PARD3: variants seen among roughly 807,000 people sequenced by gnomAD.
PARD3 encodes the protein partitioning defective 3 homolog.
A neutral mutation model predicts 155.4 loss-of-function variants in PARD3; 75 were observed. That is an observed-to-expected ratio of 0.48 (90% CI 0.40 to 0.58). PARD3 has a LOEUF of 0.58. PARD3 is among the 20% of genes least tolerant of loss of function. The probability of loss-of-function intolerance (pLI) is 0.00; values close to 1 mark genes in which losing one functional copy is unlikely to be tolerated. For synonymous variants in PARD3, 576 were observed against 610.5 expected (o/e 0.94, Z 0.83); for missense variants, 1,642 against 1,721.7 (o/e 0.95, Z 0.82).
intron 22 of PARD3, among the ~76,000 whole-genome samples, chr10:34,178,983 A>AGACC (rs1029390818): frequency 2.8e-4 from 43 of 152,312 alleles, no homozygotes; most frequent in African/African-American, 1.0e-3. Flanking sequence ...AAGTTCACCC[A>AGACC]GACCACCAGG....
chr10:34,477,194 T>A (rs2078771195), intron 3 of PARD3, among the ~76,000 whole-genome samples: 1 of 152,218 alleles, frequency 6.6e-6, no homozygotes, highest in Non-Finnish European at 1.5e-5. Context: ...TAAGGTAATT[T>A]GGTCACATTA....
intron 4 of PARD3, among the ~76,000 whole-genome samples, chr10:34,469,635 A>C (rs1344458040): frequency 6.6e-6 from 1 of 152,168 alleles, no homozygotes; most frequent in African/African-American, 2.4e-5. Context: ...TAATGTTCTA[A>C]GTTCCTTAAT....
At chr10:34,125,575 T>A (rs776591823) in intron 23 of PARD3, among the ~76,000 whole-genome samples, 1 of 152,184 alleles carries the variant, frequency 6.6e-6, no homozygotes, top group Non-Finnish European at 1.5e-5. Flanking sequence ...AGGGAGGCAA[T>A]CTAGTGGTAC....
chr10:34,248,452 T>C (rs1954097933), intron 22 of PARD3, among the ~76,000 whole-genome samples: 1 of 152,242 alleles, frequency 6.6e-6, no homozygotes, highest in African/African-American at 2.4e-5. Flanking sequence ...CAGATCATGA[T>C]GCATGGCAAG....
intron 3 of PARD3, among the ~76,000 whole-genome samples, chr10:34,491,854 T>A (rs2079930306): frequency 6.6e-6 from 1 of 152,088 alleles, no homozygotes; most frequent in Non-Finnish European, 1.5e-5. Context: ...GCAAACAGAA[T>A]TCAACCCAGT....
Position 34,317,136 on chromosome 10 carries a change from T to A in PARD3, c.3036A>T (p.Gly1012=). ...KEKDKMKAKK[G]MLKGLGDMFR... is the part of the protein sequence containing the mutation. ...ACATGTCTCCCAAGCCCTTCAGCAT[T>A]CCCTTCTTGGCTTTCATTTTATCCT... Residue 1012 remains glycine, a synonymous_variant, in exon 20 of 25, where the codon GGA becomes GGT. Coordinates refer to ENST00000374788, the MANE Select transcript of PARD3 (RefSeq NM_001184785.2). 6.4e-7 allele frequency: 1 copy of A among 1,567,732 alleles called. No individual in the cohort carries two copies. Among genetic ancestry groups the A allele is most frequent in the Admixed American group, 1.9e-5 (1 of 52,146 alleles).
chr10:34,406,380 G>C (rs1401877451), intron 5 of PARD3, among the ~76,000 whole-genome samples: 1 of 152,158 alleles, frequency 6.6e-6, no homozygotes, highest in South Asian at 2.1e-4. Context: ...AACACAGTAA[G>C]AAATCAGTCA....
chr10:34,162,958 G>A (rs1365668791), intron 22 of PARD3, among the ~76,000 whole-genome samples: 1 of 152,078 alleles, frequency 6.6e-6, no homozygotes, highest in Non-Finnish European at 1.5e-5. Context: ...TTTCAGGGCT[G>A]GACATGGTTC....
intron 2 of PARD3, among the ~76,000 whole-genome samples, chr10:34,674,134 TG>T (rs1187985339): frequency 6.6e-6 from 1 of 152,214 alleles, no homozygotes; most frequent in Non-Finnish European, 1.5e-5. Context: ...AAAATTATCC[TG>T]GTTATATCTG....
chr10:34,299,616 C>T (rs900063954), intron 20 of PARD3, among the ~76,000 whole-genome samples: 1 of 152,150 alleles, frequency 6.6e-6, no homozygotes, highest in African/African-American at 2.4e-5. Context: ...GTCAGATAGA[C>T]AGGAGTGTAG....
chr10:34,796,180 CA>C (rs1240600112), intron 1 of PARD3, among the ~76,000 whole-genome samples: 1 of 151,706 alleles, frequency 6.6e-6, no homozygotes, highest in Non-Finnish European at 1.5e-5. Context: ...AAAACAAAAA[CA>C]AAAAAAAGTC....
At chr10:34,137,725 G>C (rs189468614) in intron 22 of PARD3, among the ~76,000 whole-genome samples, 8 of 152,146 alleles carry the variant, frequency 5.3e-5, no homozygotes, top group Non-Finnish European at 1.2e-4. Context: ...CACAGTCTAA[G>C]AGACACATGG....
At chr10:34,686,242 T>C (rs1002193664) in intron 2 of PARD3, among the ~76,000 whole-genome samples, 2 of 152,190 alleles carry the variant, frequency 1.3e-5, no homozygotes, top group African/African-American at 2.4e-5. Flanking sequence ...AATTAGAATC[T>C]GGATAATAAC....
chr10:34,287,748 G>A (rs1294771844), intron 20 of PARD3, among the ~76,000 whole-genome samples: 1 of 152,106 alleles, frequency 6.6e-6, no homozygotes, highest in Non-Finnish European at 1.5e-5. Context: ...AAGTACGTAT[G>A]ACATTTTTTA....
chr10:34,139,992 T>C (rs1424396636), intron 22 of PARD3, among the ~76,000 whole-genome samples: 1 of 152,202 alleles, frequency 6.6e-6, no homozygotes, highest in Non-Finnish European at 1.5e-5. Flanking sequence ...ATAGTTCTAA[T>C]CTACAGATGT....
intron 5 of PARD3, among the ~76,000 whole-genome samples, chr10:34,422,968 G>C (rs561347099): frequency 6.6e-6 from 1 of 152,298 alleles, no homozygotes; most frequent in East Asian, 1.9e-4. Flanking sequence ...ATGTTGAAGA[G>C]ATAGCTGTAC....
intron 15 of PARD3, among the ~76,000 whole-genome samples, chr10:34,342,025 ACTATATAG>A (rs1382613599): frequency 1.3e-5 from 2 of 152,196 alleles, no homozygotes; most frequent in Admixed American, 1.3e-4. Flanking sequence ...TGACGCTACA[ACTATATAG>A]CTCAGGGCAA....
At chr10:34,622,301 A>G (rs554969125) in intron 2 of PARD3, among the ~76,000 whole-genome samples, 11 of 152,358 alleles carry the variant, frequency 7.2e-5, no homozygotes, top group African/African-American at 2.6e-4. Context: ...TTTGATATAA[A>G]TATTAATTCT....
Position 34,498,805 on chromosome 10 carries a change from A to G in PARD3, c.403+18174T>C, listed in dbSNP as rs1035100649. 7.2e-5 allele frequency among the ~76,000 whole-genome samples: 11 copies of G among 152,328 alleles called. No homozygotes were observed. In the South Asian group the frequency reaches 1.2e-3, roughly 17 times the overall value. ...AAGAAATAAAAAATAAACAAAAATT[A>G]AAAAGCCTACATTAATACTCAATTT... On this transcript the variant is annotated intron_variant, in intron 3 of 24. Coordinates refer to ENST00000374788, the MANE Select transcript of PARD3 (RefSeq NM_001184785.2).
Sources: allele counts gnomAD v4.1 joint callset (sites outside exome capture counted in the v4.1 genomes callset), GRCh38; gene constraint gnomAD v4.1.1; transcripts MANE v1.5; gene names NCBI Gene and HGNC (gene_info 2026-07-23, HGNC 2026-07-21).